CSMD1: variants seen among roughly 807,000 people sequenced by gnomAD.
The protein encoded by CSMD1 is CUB and Sushi multiple domains 1.
CSMD1 carries 213 observed loss-of-function variants against 417.5 expected under a neutral mutation model. That is an observed-to-expected ratio of 0.51 (90% CI 0.46 to 0.57). The LOEUF is 0.57. CSMD1 is among the 20% of genes least tolerant of loss of function. The pLI is 0.00. For synonymous variants in CSMD1, 2,862 were observed against 1,736.8 expected (o/e 1.65, Z -16.11); for missense variants, 6,923 against 4,529.7 (o/e 1.53, Z -15.17).
At chr8:4,439,011 G>A (rs1388497706) in intron 2 of CSMD1, among the ~76,000 whole-genome samples, 1 of 152,136 alleles carries the variant, frequency 6.6e-6, no homozygotes, top group Non-Finnish European at 1.5e-5. Flanking sequence ...TTTCATTTCA[G>A]AACTGAATAA....
intron 1 of CSMD1, among the ~76,000 whole-genome samples, chr8:4,645,813 G>T (rs1252937409): frequency 6.6e-6 from 1 of 152,006 alleles, no homozygotes; most frequent in African/African-American, 2.4e-5. Flanking sequence ...TTAGATTCCG[G>T]GACACATCAT....
At chr8:3,713,166 C>A (rs550519397) in intron 6 of CSMD1, among the ~76,000 whole-genome samples, 149 of 152,166 alleles carry the variant, frequency 9.8e-4, no homozygotes, top group South Asian at 1.9e-3. Context: ...CAAAAACCAC[C>A]ACAATAAATA....
intron 3 of CSMD1, among the ~76,000 whole-genome samples, chr8:4,194,118 A>T (rs986909805): frequency 6.6e-6 from 1 of 152,204 alleles, no homozygotes; most frequent in African/African-American, 2.4e-5. Context: ...TACGTTCAAC[A>T]AAGAATGCAG....
chr8:4,295,110 GATTACA>G (rs1563405386), intron 3 of CSMD1, among the ~76,000 whole-genome samples: 3 of 144,302 alleles, frequency 2.1e-5, no homozygotes, highest in Non-Finnish European at 4.5e-5. Context: ...ATAATCTTAA[GATTACA>G]CACATATAAT....
intron 3 of CSMD1, among the ~76,000 whole-genome samples, chr8:4,250,082 C>A (rs376443339): frequency 3.9e-5 from 6 of 152,124 alleles, no homozygotes; most frequent in African/African-American, 1.4e-4. Context: ...CCCCTCTTTG[C>A]CCTTCTGCCA....
rs1442825699 is a variant in CSMD1, at chr8:3,427,842, C to T, written c.1562-18237G>A. Among the ~76,000 whole-genome samples the T allele has an allele frequency of 2.0e-5, 3 of 152,166 alleles. No homozygotes were observed. The South Asian group carries it at 6.2e-4, about 32-fold the overall frequency. Reference sequence around the variant, plus strand: ...GACCAATTGCTTCCAGCAGAGGAGGCGTATGCCTGTCAAATCGATTACTGT... The same window carrying T: ...GACCAATTGCTTCCAGCAGAGGAGGTGTATGCCTGTCAAATCGATTACTGT... On this transcript the variant is annotated intron_variant, in intron 12 of 69. Transcript: ENST00000635120.
intron 2 of CSMD1, among the ~76,000 whole-genome samples, chr8:4,620,259 CTCTA>C (rs1263507974): frequency 6.6e-6 from 1 of 151,480 alleles, no homozygotes; most frequent in Non-Finnish European, 1.5e-5. Context: ...ATAACAATTG[CTCTA>C]TCTAAAAGTC....
At chr8:4,114,007 C>G (rs1015262548) in intron 3 of CSMD1, among the ~76,000 whole-genome samples, 1 of 152,190 alleles carries the variant, frequency 6.6e-6, no homozygotes, top group African/African-American at 2.4e-5. Context: ...GAAGCTGCAG[C>G]ACGTTCTCCA....
At chr8:4,448,370 A>C (rs978721130) in intron 2 of CSMD1, among the ~76,000 whole-genome samples, 1 of 152,178 alleles carries the variant, frequency 6.6e-6, no homozygotes, top group Admixed American at 6.5e-5. Flanking sequence ...ACAGGGAATA[A>C]AACACGCCAG....
At chr8:4,277,722 G>A (rs904918287) in intron 3 of CSMD1, among the ~76,000 whole-genome samples, 7 of 152,020 alleles carry the variant, frequency 4.6e-5, no homozygotes, top group Admixed American at 1.3e-4. Context: ...AACATAATTA[G>A]ACCTTACCCA....
chr8:4,590,385 A>G (rs1026581238), intron 2 of CSMD1, among the ~76,000 whole-genome samples: 1 of 152,194 alleles, frequency 6.6e-6, no homozygotes, highest in African/African-American at 2.4e-5. Context: ...CAACATGCGA[A>G]GATACTGAAA....
chr8:4,158,571 A>G (rs922803298), intron 3 of CSMD1, among the ~76,000 whole-genome samples: 21 of 152,306 alleles, frequency 1.4e-4, no homozygotes, highest in African/African-American at 5.1e-4. Flanking sequence ...TCACTATGAC[A>G]GAACAGTCCT....
At chr8:4,828,453 C>T (rs1016080515) in intron 1 of CSMD1, among the ~76,000 whole-genome samples, 3 of 152,204 alleles carry the variant, frequency 2.0e-5, no homozygotes, top group Admixed American at 6.5e-5. Context: ...CTTCTCTCAG[C>T]CAAATTCAGG....
chr8:3,046,154 T>A (rs1239472368), intron 50 of CSMD1, among the ~76,000 whole-genome samples: 2 of 152,316 alleles, frequency 1.3e-5, no homozygotes, highest in Admixed American at 6.5e-5. Flanking sequence ...CTCTTTTGAT[T>A]GCTATGCTCA....
intron 3 of CSMD1, among the ~76,000 whole-genome samples, chr8:4,381,419 G>C (rs775508169): frequency 6.6e-6 from 1 of 152,120 alleles, no homozygotes; most frequent in South Asian, 2.1e-4. Flanking sequence ...ATTTCCTGAC[G>C]TAAAACCCAT....
intron 5 of CSMD1, among the ~76,000 whole-genome samples, chr8:3,929,483 G>T (rs1038124239): frequency 3.3e-5 from 5 of 150,332 alleles, no homozygotes; most frequent in Non-Finnish European, 5.9e-5. Flanking sequence ...TGCTGTCTCT[G>T]AAGGACTCTG....
intron 5 of CSMD1, among the ~76,000 whole-genome samples, chr8:3,952,646 G>A (rs1029332237): frequency 6.6e-6 from 1 of 152,074 alleles, no homozygotes; most frequent in African/African-American, 2.4e-5. Context: ...TGTTTTCCTG[G>A]GGTGATTACA....
intron 2 of CSMD1, among the ~76,000 whole-genome samples, chr8:4,441,160 A>G (rs1798454726): frequency 8.4e-6 from 1 of 119,356 alleles, no homozygotes. Context: ...GTGCAGTGGT[A>G]CAACCTTGGT....
rs139940631 is a variant in CSMD1, at chr8:3,636,864, A to G, written c.1010-20067T>C. Among the ~76,000 whole-genome samples the G allele has an allele frequency of 2.0e-5, 3 of 152,262 alleles. No homozygotes were observed. The East Asian group carries it at 5.8e-4, about 29-fold the overall frequency. On this transcript the variant is annotated intron_variant, in intron 7 of 69. Coordinates refer to ENST00000635120, the MANE Select transcript of CSMD1 (RefSeq NM_033225.6). ...AATGTCCCTTCCAAGACTCATGTTG[A>G]GATATATAGATTTTGTTGCCATTGT...
Sources: allele counts gnomAD v4.1 joint callset (sites outside exome capture counted in the v4.1 genomes callset), GRCh38; gene constraint gnomAD v4.1.1; transcripts MANE v1.5; gene names NCBI Gene and HGNC (gene_info 2026-07-23, HGNC 2026-07-21).